OSBPL10: variants seen among roughly 807,000 people sequenced by gnomAD.
The protein encoded by OSBPL10 is oxysterol binding protein like 10.
Under a neutral mutation model 81.7 loss-of-function variants are expected in OSBPL10, and 49 were observed. That is an observed-to-expected ratio of 0.60 (90% confidence interval 0.48 to 0.76). The LOEUF (loss-of-function observed/expected upper bound fraction) is 0.76. Among genes scored for constraint, OSBPL10 ranks in the 30% least tolerant of loss-of-function variants. OSBPL10 has a pLI of 0.00. For synonymous variants in OSBPL10, 419 were observed against 383.6 expected, an observed-to-expected ratio of 1.09 and a Z score of -1.08; for missense variants, 923 against 987.8, an observed-to-expected ratio of 0.93 and a Z score of 0.88.
At chr3:31,750,957 C>T (rs2125703164) in intron 4 of OSBPL10, among the ~76,000 whole-genome samples, 1 of 152,218 alleles carries the variant, frequency 6.6e-6, no homozygotes, top group Middle Eastern at 3.4e-3. Context: ...GAATATTCTT[C>T]TCTATTACAA....
intron 11 of OSBPL10, chr3:31,662,751 C>T (rs1244945474): frequency 2.0e-6 from 2 of 985,312 alleles, no homozygotes; most frequent in Admixed American, 6.2e-5. Context: ...TCAGGAAGAA[C>T]TGTAAATGTT....
chr3:31,912,446 C>T (rs571555807), intron 1 of OSBPL10, among the ~76,000 whole-genome samples: 7 of 151,042 alleles, frequency 4.6e-5, no homozygotes, highest in South Asian at 2.1e-4. Flanking sequence ...GGTCGGGGGG[C>T]GGACATTAGT....
At chr3:32,006,981 T>G (rs1559548286) in intron 2 of OSBPL10, among the ~76,000 whole-genome samples, 1 of 152,196 alleles carries the variant, frequency 6.6e-6, no homozygotes, top group East Asian at 1.9e-4. Flanking sequence ...TGGCCCAGGC[T>G]GATCTCAAAC....
chr3:31,997,496 C>G (rs1437133610), intron 2 of OSBPL10, among the ~76,000 whole-genome samples: 3 of 151,876 alleles, frequency 2.0e-5, no homozygotes, highest in Non-Finnish European at 4.4e-5. Context: ...ATCTCCTGAC[C>G]TCATGATCTG....
intron 2 of OSBPL10, among the ~76,000 whole-genome samples, chr3:32,041,615 C>T (rs1490303614): frequency 6.7e-6 from 1 of 150,262 alleles, no homozygotes; most frequent in Non-Finnish European, 1.5e-5. Flanking sequence ...GAAGTGATAC[C>T]ACTGAGTTTC....
intron 7 of OSBPL10, among the ~76,000 whole-genome samples, chr3:31,697,109 T>C (rs1695744410): frequency 6.6e-6 from 1 of 152,238 alleles, no homozygotes; most frequent in South Asian, 2.1e-4. Flanking sequence ...AAAATAGAAG[T>C]GATCTTGTGC....
intron 1 of OSBPL10, among the ~76,000 whole-genome samples, chr3:31,913,068 C>T (rs1696636505): frequency 1.3e-5 from 2 of 152,108 alleles, no homozygotes; most frequent in African/African-American, 4.8e-5. Flanking sequence ...ATAATACAAT[C>T]TAACTGGAAT....
intron 1 of OSBPL10, among the ~76,000 whole-genome samples, chr3:32,054,936 G>A (rs1007586992): frequency 7.9e-5 from 12 of 152,168 alleles, no homozygotes; most frequent in African/African-American, 2.6e-4. Flanking sequence ...GGACTTTGAC[G>A]GGTATAGGAC....
chr3:31,946,879 AG>A (rs1033883595), intron 1 of OSBPL10, among the ~76,000 whole-genome samples: 8 of 152,160 alleles, frequency 5.3e-5, no homozygotes, highest in Non-Finnish European at 1.2e-4. Flanking sequence ...GGGCTCAGGG[AG>A]GCCTTAAGAA....
At position 31,930,223 on chromosome 3, in the gene OSBPL10, T is replaced by C. The variant is rs568066784; in HGVS notation, c.282-50393A>G. Among the ~76,000 whole-genome samples the C allele has an allele frequency of 1.8e-3, 273 of 152,202 alleles. 1 individual carries two copies. The highest frequency in any genetic ancestry group is 6.3e-3 in the African/African-American group (263 of 41,518). ...AAGGATATATATACATATACATATA[T>C]GGCCCCTTGATGTATGAAAACATGT... On this transcript the variant is annotated intron_variant, in intron 1 of 11. Transcript: ENST00000396556.
At chr3:31,950,110 T>C (rs140066712) in intron 1 of OSBPL10, among the ~76,000 whole-genome samples, 1 of 152,160 alleles carries the variant, frequency 6.6e-6, no homozygotes, top group Non-Finnish European at 1.5e-5. Flanking sequence ...GTGGGCAGCA[T>C]AATTAAGAGA....
intron 1 of OSBPL10, among the ~76,000 whole-genome samples, chr3:32,072,602 A>G (rs1288035323): frequency 1.3e-5 from 2 of 152,116 alleles, no homozygotes; most frequent in Non-Finnish European, 2.9e-5. Context: ...TTCCATCGTG[A>G]AAATCTATCC....
In OSBPL10 at chr3:32,040,386, G is replaced by A. The variant is rs371371034; in HGVS notation, n.298+6105C>T. Among the ~76,000 whole-genome samples, 8 of 152,094 alleles carry A rather than the reference G, an allele frequency of 5.3e-5. No individual in the cohort carries two copies. The East Asian group carries it at 5.8e-4, about 11-fold the overall frequency. On this transcript the variant is annotated intron_variant and non_coding_transcript_variant, in intron 2 of 3. Coordinates refer to the OSBPL10 transcript ENST00000479173. ...TGCACCACTGCACTCCAGCCTAGGC[G>A]ACAGAGCAAGACCCCATCTCAAAAA... is the stretch of plus-strand genomic sequence containing the variant.
intron 1 of OSBPL10, among the ~76,000 whole-genome samples, chr3:31,885,466 C>A (rs1052148130): frequency 3.3e-5 from 5 of 152,244 alleles, no homozygotes; most frequent in Non-Finnish European, 7.3e-5. Flanking sequence ...CCCTTACCCA[C>A]TCACTGTGCC....
chr3:31,840,961 T>G (rs577469753), intron 3 of OSBPL10, among the ~76,000 whole-genome samples: 61 of 152,324 alleles, frequency 4.0e-4, no homozygotes, highest in Middle Eastern at 3.4e-3. Context: ...CAGGCTGGAG[T>G]GCAATGGCGT....
intron 8 of OSBPL10, among the ~76,000 whole-genome samples, chr3:31,671,772 CA>C (rs1291766047): frequency 6.6e-6 from 1 of 152,154 alleles, no homozygotes; most frequent in Non-Finnish European, 1.5e-5. Context: ...TTCTAGGGAA[CA>C]GGGCCACAGT....
intron 4 of OSBPL10, among the ~76,000 whole-genome samples, chr3:31,777,204 C>G (rs1282975506): frequency 6.6e-6 from 1 of 152,168 alleles, no homozygotes; most frequent in East Asian, 1.9e-4. Context: ...ATGACATGCC[C>G]CTGGCTCATC....
intron 2 of OSBPL10, among the ~76,000 whole-genome samples, chr3:32,021,414 C>A (rs1699362676): frequency 6.6e-6 from 1 of 152,288 alleles, no homozygotes; most frequent in South Asian, 2.1e-4. Context: ...TTTTAAGAAG[C>A]CATTTGCCAA....
At chr3:31,846,439 C>T (rs1700633950) in intron 3 of OSBPL10, among the ~76,000 whole-genome samples, 1 of 152,040 alleles carries the variant, frequency 6.6e-6, no homozygotes, top group South Asian at 2.1e-4. Flanking sequence ...GTCTGGCCAA[C>T]ATGGTAAAAC....
Sources: gnomAD v4.1 joint callset for allele counts (sites outside exome capture counted in the v4.1 genomes callset) on GRCh38, gnomAD v4.1.1 for gene constraint, MANE v1.5 for transcripts, NCBI Gene and HGNC (gene_info 2026-07-23, HGNC 2026-07-21) for gene names.